The following GRM5 variants were observed in gnomAD, a reference collection of about 807,000 sequenced individuals.
GRM5 encodes glutamate metabotropic receptor 5.
Under a neutral mutation model 83.1 loss-of-function variants are expected in GRM5, and 19 were observed. That is an observed-to-expected ratio of 0.23 (90% CI 0.16 to 0.34). The LOEUF (loss-of-function observed/expected upper bound fraction) is 0.34. Among genes scored for constraint, GRM5 ranks in the 10% least tolerant of loss-of-function variants. The probability of loss-of-function intolerance (pLI) is 1.00; values close to 1 mark genes in which losing one functional copy is unlikely to be tolerated. For synonymous variants in GRM5, 675 were observed against 633.6 expected (o/e 1.07, Z -0.98); for missense variants, 1,160 against 1,588.3 (o/e 0.73, Z 4.58).
intron 3 of GRM5, among the ~76,000 whole-genome samples, chr11:88,722,530 C>G (rs920346459): frequency 4.6e-5 from 7 of 152,096 alleles, no homozygotes; most frequent in Admixed American, 1.3e-4. Flanking sequence ...GCTCTACTTC[C>G]TAGATCTCTC....
chr11:88,526,295 T>A (rs1189249698), intron 8 of GRM5, among the ~76,000 whole-genome samples: 2 of 152,184 alleles, frequency 1.3e-5, no homozygotes, highest in Non-Finnish European at 2.9e-5. Context: ...TCAATGACAG[T>A]TTTTTGAGCT....
chr11:88,604,410 C>G lies in GRM5; in HGVS notation c.1394+308G>C, dbSNP rs143119764. ...TGAATATGGGGAATAACATGACAAGCATGTACAGAGAAACCACAGAGATGG... is the reference window on the plus strand; with the variant it reads ...TGAATATGGGGAATAACATGACAAGGATGTACAGAGAAACCACAGAGATGG... On this transcript the variant is annotated intron_variant, in intron 5 of 9. Coordinates refer to ENST00000305447, the MANE Select transcript of GRM5 (RefSeq NM_001143831.3). Among the ~76,000 whole-genome samples the G allele has an allele frequency of 3.2e-4, 48 of 152,232 alleles. No individual in the cohort carries two copies. The East Asian group carries it at 8.7e-3, about 28-fold the overall frequency.
chr11:89,043,328 T>A (rs541998283), intron 2 of GRM5, among the ~76,000 whole-genome samples: 2 of 151,654 alleles, frequency 1.3e-5, no homozygotes, highest in Admixed American at 6.6e-5. Flanking sequence ...CAATATAAAA[T>A]TTTTTTTTGT....
intron 2 of GRM5, among the ~76,000 whole-genome samples, chr11:88,969,028 A>G (rs1939082329): frequency 6.6e-6 from 1 of 152,104 alleles, no homozygotes; most frequent in African/African-American, 2.4e-5. Flanking sequence ...TACGACAATT[A>G]TTTAGCATAG....
chr11:88,950,946 T>C (rs1488979933), intron 2 of GRM5, among the ~76,000 whole-genome samples: 1 of 152,238 alleles, frequency 6.6e-6, no homozygotes, highest in East Asian at 1.9e-4. Context: ...GCAGTTATAC[T>C]CCAGTTTTAT....
Position 88,593,895 on chromosome 11 carries a change from G to A in GRM5, c.1564-3168C>T, listed in dbSNP as rs192126077. On this transcript the variant is annotated intron_variant, in intron 6 of 9. Transcript: ENST00000305447. The stretch of plus-strand genomic sequence containing the variant: ...TGCAAGCTCCTCCTCCCGGGTTCAC[G>A]CCATTCTCCAGCCTCAGCCTCCCAA... Among the ~76,000 whole-genome samples the A allele has an allele frequency of 1.7e-3, 262 of 151,370 alleles. 3 individuals are homozygous for A. Among genetic ancestry groups the A allele is most frequent in the Admixed American group, 0.016 (251 of 15,214 alleles).
chr11:88,821,900 T>C (rs1016092355), intron 3 of GRM5, among the ~76,000 whole-genome samples: 1 of 152,168 alleles, frequency 6.6e-6, no homozygotes, highest in Non-Finnish European at 1.5e-5. Flanking sequence ...TGGTGAAGAA[T>C]GAATTATTGA....
intron 2 of GRM5, among the ~76,000 whole-genome samples, chr11:89,028,096 A>G (rs545030279): frequency 6.6e-6 from 1 of 152,250 alleles, no homozygotes; most frequent in East Asian, 1.9e-4. Context: ...TTGATACTGG[A>G]CCTTCCAGCC....
intron 8 of GRM5, among the ~76,000 whole-genome samples, chr11:88,535,881 G>A (rs376797772): frequency 4.7e-4 from 71 of 152,248 alleles, no homozygotes; most frequent in Non-Finnish European, 7.6e-4. Context: ...CTTTCTGTAT[G>A]TACCATTTAT....
chr11:88,582,826 TTTC>T (rs1418368932), intron 7 of GRM5, among the ~76,000 whole-genome samples: 3 of 152,164 alleles, frequency 2.0e-5, no homozygotes, highest in East Asian at 3.9e-4. Flanking sequence ...GCCGATTTTT[TTTC>T]CTTCTATAAT....
At chr11:88,514,321 T>C (rs1160662004) in intron 9 of GRM5, among the ~76,000 whole-genome samples, 1 of 152,214 alleles carries the variant, frequency 6.6e-6, no homozygotes, top group Non-Finnish European at 1.5e-5. Flanking sequence ...GTTTACATTT[T>C]GGGTCTGCCA....
At chr11:88,970,572 A>T (rs1939136788) in intron 2 of GRM5, among the ~76,000 whole-genome samples, 1 of 152,208 alleles carries the variant, frequency 6.6e-6, no homozygotes, top group Admixed American at 6.5e-5. Context: ...TAGCAGCAAC[A>T]TTAAACTGAA....
At chr11:88,892,807 T>A (rs1370213645) in intron 2 of GRM5, among the ~76,000 whole-genome samples, 3 of 151,994 alleles carry the variant, frequency 2.0e-5, no homozygotes, top group Non-Finnish European at 4.4e-5. Flanking sequence ...AATGTGAAAA[T>A]CTGGATAAAT....
At chr11:88,806,157 C>A (rs955733784) in intron 3 of GRM5, among the ~76,000 whole-genome samples, 1 of 152,152 alleles carries the variant, frequency 6.6e-6, no homozygotes, top group Non-Finnish European at 1.5e-5. Flanking sequence ...GAAGTGCTCA[C>A]CAAAATCATC....
At chr11:88,616,355 G>A (rs1938482010) in intron 4 of GRM5, among the ~76,000 whole-genome samples, 1 of 149,004 alleles carries the variant, frequency 6.7e-6, no homozygotes, top group Non-Finnish European at 1.5e-5. Context: ...TGAGGCAAGA[G>A]AGATGGGGGT....
intron 3 of GRM5, among the ~76,000 whole-genome samples, chr11:88,696,952 G>A (rs1591447146): frequency 6.6e-6 from 1 of 152,154 alleles, no homozygotes; most frequent in East Asian, 1.9e-4. Flanking sequence ...CTCTGTGTAT[G>A]TGATTTTCCT....
intron 3 of GRM5, among the ~76,000 whole-genome samples, chr11:88,671,983 G>A (rs909576512): frequency 6.6e-6 from 1 of 152,000 alleles, no homozygotes; most frequent in African/African-American, 2.4e-5. Context: ...TTTAATTTCT[G>A]ATTAGTCAAG....
intron 2 of GRM5, among the ~76,000 whole-genome samples, chr11:88,972,622 C>T (rs1398088161): frequency 1.3e-5 from 2 of 152,230 alleles, no homozygotes; most frequent in African/African-American, 4.8e-5. Flanking sequence ...GAGATTACCA[C>T]TTGATAATCA....
At chr11:88,963,060 C>T (rs138524645) in intron 2 of GRM5, among the ~76,000 whole-genome samples, 2,555 of 152,272 alleles carry the variant, frequency 0.017, 72 homozygotes, top group African/African-American at 0.059. Context: ...CTGCACACTC[C>T]AGCCTGGTGA....
Sources: allele counts gnomAD v4.1 joint callset (sites outside exome capture counted in the v4.1 genomes callset), GRCh38; gene constraint gnomAD v4.1.1; transcripts MANE v1.5; gene names NCBI Gene and HGNC (gene_info 2026-07-23, HGNC 2026-07-21).